Variants in PLAAT3 observed in about 807,000 individuals in gnomAD.
PLAAT3 encodes the protein phospholipase A and acyltransferase 3, also known as Ca-independent phospholipase A1/2.
PLAAT3 carries 21 observed loss-of-function variants against 16.7 expected under a neutral mutation model. The ratio of observed to expected loss-of-function variants is 1.26; its 90% CI spans 0.89 to 1.81. The LOEUF (loss-of-function observed/expected upper bound fraction) is 1.81, where lower values mean the gene tolerates loss of function less well. Ranked by LOEUF, PLAAT3 falls within the 40% of genes most tolerant of loss-of-function variation. PLAAT3 has a pLI of 0.00. For missense variants in PLAAT3, 219 were observed against 213.7 expected (o/e 1.02, Z -0.16); for synonymous variants, 76 against 81.7 (o/e 0.93, Z 0.38).
At chr11:63,599,108 G>T (rs772347807) in intron 2 of PLAAT3, among the ~76,000 whole-genome samples, 21 of 152,122 alleles carry the variant, frequency 1.4e-4, no homozygotes, top group African/African-American at 5.1e-4. Flanking sequence ...GGGAAGTTCC[G>T]ACTCTCACTA....
chr11:63,580,870 G>A (rs775839475), intron 4 of PLAAT3, among the ~76,000 whole-genome samples: 29 of 152,164 alleles, frequency 1.9e-4, no homozygotes, highest in Non-Finnish European at 2.8e-4. Flanking sequence ...GACCCCAAAC[G>A]GAGGACCAGC....
intron 4 of PLAAT3, among the ~76,000 whole-genome samples, chr11:63,581,370 ATTCC>A (rs1449744702): frequency 6.6e-6 from 1 of 152,268 alleles, no homozygotes; most frequent in East Asian, 1.9e-4. Flanking sequence ...GAAGGAATGC[ATTCC>A]TGGGGGTAGG....
intron 2 of PLAAT3, among the ~76,000 whole-genome samples, chr11:63,610,134 C>T (rs1457390276): frequency 6.6e-6 from 1 of 152,236 alleles, no homozygotes; most frequent in Non-Finnish European, 1.5e-5. Flanking sequence ...AAGTAATTCA[C>T]TCCAAGGTAC....
At chr11:63,610,485 G>T (rs1024296728) in intron 2 of PLAAT3, among the ~76,000 whole-genome samples, 1 of 152,216 alleles carries the variant, frequency 6.6e-6, no homozygotes, top group East Asian at 1.9e-4. Context: ...CTCAGCAGAG[G>T]TGTATGGTGG....
intron 4 of PLAAT3, among the ~76,000 whole-genome samples, chr11:63,586,741 T>C (rs898993707): frequency 1.3e-5 from 2 of 152,120 alleles, no homozygotes; most frequent in Non-Finnish European, 2.9e-5. Context: ...AAAAAAAACT[T>C]CTATTATACC....
At chr11:63,593,108 C>T (rs140179778) in intron 3 of PLAAT3, among the ~76,000 whole-genome samples, 3 of 152,324 alleles carry the variant, frequency 2.0e-5, no homozygotes, top group East Asian at 1.9e-4. Flanking sequence ...TACTGGGTGC[C>T]GGGCCTTGTC....
At chr11:63,588,684 A>G (rs1045778003) in intron 4 of PLAAT3, among the ~76,000 whole-genome samples, 1 of 152,196 alleles carries the variant, frequency 6.6e-6, no homozygotes, top group Non-Finnish European at 1.5e-5. Context: ...CACCTACTCA[A>G]TTTCTAAGTT....
intron 4 of PLAAT3, among the ~76,000 whole-genome samples, chr11:63,587,248 A>C (rs1269703383): frequency 4.6e-5 from 7 of 152,206 alleles, no homozygotes; most frequent in Non-Finnish European, 1.0e-4. Context: ...GGCACAATAC[A>C]TGAAAATAGA....
At chr11:63,585,315 G>A (rs977317727) in intron 4 of PLAAT3, among the ~76,000 whole-genome samples, 1 of 152,140 alleles carries the variant, frequency 6.6e-6, no homozygotes, top group African/African-American at 2.4e-5. Flanking sequence ...GAGCCACTGC[G>A]CCCGGCCAGA....
chr11:63,615,108 G>GTATA (rs1938813051), upstream of PLAAT3, among the ~76,000 whole-genome samples: 1 of 63,218 alleles, frequency 1.6e-5, no homozygotes, highest in Non-Finnish European at 3.2e-5. Context: ...GTGTATATAT[G>GTATA]TGTGTATATA....
Position 63,574,657 on chromosome 11 carries a change from G to A in PLAAT3, c.*288C>T, listed in dbSNP as rs192957833. 1.2e-5 allele frequency: 4 copies of A among 347,350 alleles called. No individual in the cohort carries two copies. In the Admixed American group the frequency reaches 1.4e-4, roughly 12 times the overall value. The allele number at this position is 347,350 out of a possible 1,614,324, so 21.5% of individuals were successfully genotyped here. On this transcript the variant is annotated 3_prime_UTR_variant, in exon 5 of 5. Coordinates refer to ENST00000415826, the MANE Select transcript of PLAAT3 (RefSeq NM_001128203.2). ...ACGCCCTCTACTTGAGATAACTGGA[G>A]CTGGACTCTGCCTCCTGCAATGCAA... is the stretch of plus-strand genomic sequence containing the variant.
At chr11:63,614,257 G>C (rs1255803320) in intron 1 of PLAAT3, 128 bp downstream of exon 1, 2 of 583,396 alleles carry the variant, frequency 3.4e-6, no homozygotes, top group East Asian at 6.0e-5. Context: ...AGGTGCCAGC[G>C]GGCGGCTCGG....
chr11:63,597,195 C>T (rs1031201894), intron 3 of PLAAT3, among the ~76,000 whole-genome samples: 2 of 152,120 alleles, frequency 1.3e-5, no homozygotes, highest in East Asian at 3.9e-4. Context: ...TTTCCTGAGG[C>T]GTCCCCAGCC....
intron 2 of PLAAT3, among the ~76,000 whole-genome samples, chr11:63,600,584 T>G (rs1170876449): frequency 2.8e-5 from 3 of 106,062 alleles, no homozygotes; most frequent in Admixed American, 9.7e-5. Flanking sequence ...GGTTTTTTTG[T>G]TTTTTTTGTT....
intron 2 of PLAAT3, among the ~76,000 whole-genome samples, chr11:63,600,587 T>TTTTTGTTTTGTTTTG (rs111781962): frequency 0.03 from 4,416 of 148,406 alleles, 259 homozygotes; most frequent in African/African-American, 0.1. Context: ...TTTTTTGTTT[T>TTTTTGTTTTGTTTTG]TTTTGTTTTG....
chr11:63,590,145 C>T lies in PLAAT3; in HGVS notation c.342G>A (p.Glu114=). The change falls in exon 4 of 5, where the codon GAG becomes GAA. Residue 114 remains glutamate (E), a synonymous_variant. Coordinates refer to ENST00000415826, the MANE Select transcript of PLAAT3 (RefSeq NM_001128203.2). The stretch of plus-strand genomic sequence containing the variant: ...CATAGCGCAGCTCATTCACAAAGTG[C>T]TCGCAGTTCTCACTGGTCAGCTTGT... ...VLYKLTSENC[E]HFVNELRYGV... 6.2e-7 allele frequency: 1 copy of T among 1,614,222 alleles called. No homozygotes were observed. The highest frequency in any genetic ancestry group is 1.7e-5 in the Admixed American group (1 of 60,028).
rs550656093 is a variant in PLAAT3, at chr11:63,588,523, A to G, written c.387+1577T>C. 2.0e-5 allele frequency among the ~76,000 whole-genome samples: 3 copies of G among 152,302 alleles called. No individual in the cohort carries two copies. The South Asian group carries it at 6.2e-4, about 32-fold the overall frequency. On this transcript the variant is annotated intron_variant, in intron 4 of 4. Transcript: ENST00000415826. ...TTAACCTGACAATATTCAGGCACTA[A>G]TGAAGTTCTTCTCATGGCCCTGCCC...
At chr11:63,589,409 CAAAGA>C (rs1938076911) in intron 4 of PLAAT3, among the ~76,000 whole-genome samples, 1 of 30,740 alleles carries the variant, frequency 3.3e-5, no homozygotes. Context: ...TTCACCTATG[CAAAGA>C]AAAAAAAAAA....
intron 3 of PLAAT3, among the ~76,000 whole-genome samples, chr11:63,595,366 G>A (rs1217266265): frequency 6.6e-6 from 1 of 151,330 alleles, no homozygotes. Flanking sequence ...TGAGTCTGAT[G>A]TCAGAAAAAT....
Sources: gnomAD v4.1 joint callset for allele counts (sites outside exome capture counted in the v4.1 genomes callset) on GRCh38, gnomAD v4.1.1 for gene constraint, MANE v1.5 for transcripts, NCBI Gene and HGNC (gene_info 2026-07-23, HGNC 2026-07-21) for gene names.